The following SLC10A6 variants were observed in gnomAD, a reference collection of about 807,000 sequenced individuals.
SLC10A6 encodes the protein solute carrier family 10 member 6, also known as sodium-dependent organic anion transporter.
Under a neutral mutation model 30.0 loss-of-function variants are expected in SLC10A6, and 27 were observed. The observed-to-expected ratio is 0.90, with a 90% CI of 0.66 to 1.24. The LOEUF is 1.24. SLC10A6 is among the 50% of genes most tolerant of loss of function. The pLI is 0.00. For synonymous variants in SLC10A6, 166 were observed against 173.8 expected (o/e 0.95, Z 0.36); for missense variants, 439 against 457.0 (o/e 0.96, Z 0.36).
intron 1 of SLC10A6, among the ~76,000 whole-genome samples, chr4:86,838,805 C>A (rs1018086918): frequency 1.3e-5 from 2 of 151,532 alleles, no homozygotes; most frequent in African/African-American, 4.9e-5. Context: ...CGCCTGTAAT[C>A]CCAGCTACTC....
chr4:86,837,225 G>GAGAGAGAA (rs1553899172), intron 1 of SLC10A6, among the ~76,000 whole-genome samples: 17 of 39,130 alleles, frequency 4.3e-4, no homozygotes, highest in East Asian at 9.3e-4. Flanking sequence ...GAGAGAGAGA[G>GAGAGAGAA]AGAAAGAAAG....
chr4:86,823,969 CACTTGT>C (rs1360968851), intron 5 of SLC10A6, 67 bp from the exon 6 acceptor site: 1 of 1,405,376 alleles, frequency 7.1e-7, no homozygotes, highest in Non-Finnish European at 9.7e-7. Context: ...TGACACTGTA[CACTTGT>C]CAATCCTTCA....
At chr4:86,844,208 GAAGT>G (rs1746355997) in intron 1 of SLC10A6, among the ~76,000 whole-genome samples, 1 of 152,110 alleles carries the variant, frequency 6.6e-6, no homozygotes, top group Non-Finnish European at 1.5e-5. Flanking sequence ...TTAAAAAATA[GAAGT>G]AAGGAAACTG....
intron 2 of SLC10A6, 90 bp downstream of exon 2, chr4:86,833,216 C>G: frequency 9.7e-7 from 1 of 1,029,954 alleles, no homozygotes; most frequent in Non-Finnish European, 1.5e-6. Context: ...CCAAAAAAAT[C>G]CCTGCATAAA....
rs755600543 is a variant in SLC10A6 at position 86,833,426 on chromosome 4, T to C, written c.378-2A>G. Reference sequence around the variant, plus strand: ...GTGGAACAGGTTGTCATACTGATGCTGAAAGTAAAATTAATACAATGCTTA... The same window carrying C: ...GTGGAACAGGTTGTCATACTGATGCCGAAAGTAAAATTAATACAATGCTTA... On this transcript the variant is annotated splice_acceptor_variant, in intron 1 of 5. Transcript: ENST00000273905. LOFTEE classifies it high-confidence loss of function. 1.4e-5 allele frequency: 23 copies of C among 1,607,512 alleles called. No individual in the cohort carries two copies. In the East Asian group the frequency reaches 4.9e-4, roughly 34 times the overall value.
At chr4:86,842,834 C>CT (rs1252816096) in intron 1 of SLC10A6, among the ~76,000 whole-genome samples, 1 of 50,164 alleles carries the variant, frequency 2.0e-5, no homozygotes, top group East Asian at 3.3e-4. Context: ...TTCTTTCTTT[C>CT]TTTCTTTCTT....
At chr4:86,837,603 T>G (rs1490146597) in intron 1 of SLC10A6, 1 of 985,278 alleles carries the variant, frequency 1.0e-6, no homozygotes, top group Non-Finnish European at 1.2e-6. Flanking sequence ...ATCCCAAATC[T>G]ATTCTTTCCA....
Position 86,849,037 on chromosome 4 carries a change from G to A in SLC10A6, c.79C>T (p.His27Tyr), listed in dbSNP as rs752587714. ...GTGAAAACGAGCTCCAGGTTTCCAT[G>A]CACCTCCAGTCCCACTGGCAGCTCC... The part of the protein sequence containing the change: ...EEELPVGLEV[H>Y]GNLELVFTVV... The change falls in exon 1 of 6, where the codon CAT becomes TAT. Residue 27 changes from histidine to tyrosine, a missense_variant. Physicochemically the swap from His to Tyr is moderately conservative, Grantham distance 83. Coordinates refer to ENST00000273905, the MANE Select transcript of SLC10A6 (RefSeq NM_197965.3). 13 of 1,614,152 alleles carry A rather than the reference G, an allele frequency of 8.1e-6. No homozygotes were observed. The highest frequency in any genetic ancestry group is 1.6e-4 in the Middle Eastern group (1 of 6,062).
intron 1 of SLC10A6, among the ~76,000 whole-genome samples, chr4:86,844,662 A>G (rs1746363046): frequency 6.6e-6 from 1 of 152,256 alleles, no homozygotes; most frequent in South Asian, 2.1e-4. Context: ...ATGAGAGATC[A>G]TGTAGTAAGA....
At chr4:86,846,719 T>C (rs1213741738) in intron 1 of SLC10A6, among the ~76,000 whole-genome samples, 1 of 152,100 alleles carries the variant, frequency 6.6e-6, no homozygotes, top group Non-Finnish European at 1.5e-5. Context: ...AGAGTGAAAC[T>C]CCACCCCAAA....
intron 3 of SLC10A6, among the ~76,000 whole-genome samples, chr4:86,829,791 T>C (rs1746050264): frequency 1.3e-5 from 2 of 152,166 alleles, no homozygotes; most frequent in Non-Finnish European, 2.9e-5. Context: ...TATTATTAAA[T>C]GTTTTGCCAT....
At chr4:86,841,653 A>AT (rs762482882) in intron 1 of SLC10A6, among the ~76,000 whole-genome samples, 6 of 152,218 alleles carry the variant, frequency 3.9e-5, no homozygotes, top group Non-Finnish European at 7.3e-5. Context: ...AAGCAGGGAA[A>AT]TTACATATAT....
chr4:86,835,365 A>G (rs1259592898), intron 1 of SLC10A6, among the ~76,000 whole-genome samples: 1 of 152,158 alleles, frequency 6.6e-6, no homozygotes, highest in Admixed American at 6.5e-5. Flanking sequence ...GTGTGATCCT[A>G]TGATTAGAAA....
chr4:86,827,751 C>CT lies in SLC10A6; in HGVS notation c.761+241dup, dbSNP rs1746020599. Among the ~76,000 whole-genome samples the CT allele has an allele frequency of 2.0e-5, 3 of 152,064 alleles. No homozygotes were observed. In the South Asian group the frequency reaches 6.2e-4, roughly 32 times the overall value. ...GAATCAAATCATGTCGTTTTCTATT[C>CT]TTTTTTAACTTAAATTTATCTCTTC... is the stretch of plus-strand genomic sequence containing the variant. On this transcript the variant is annotated intron_variant, in intron 4 of 5. Transcript: ENST00000273905.
rs1245367447 is a variant in SLC10A6 at position 86,848,852 on chromosome 4, A to G, written c.264T>C (p.Ile88=). The change falls in exon 1 of 6, where the codon ATT becomes ATC. Residue 88 remains isoleucine (I), a synonymous_variant. Transcript: ENST00000273905. ...CTTGGACTGGCTTCAGAGAAAAGCT[A>G]ATGGCCAGGAGATAAGCTGTAAAAG... ...LMPFTAYLLA[I]SFSLKPVQAI... 1 of 1,614,210 alleles carries G rather than the reference A, an allele frequency of 6.2e-7. No individual in the cohort carries two copies. Among genetic ancestry groups the G allele is most frequent in the South Asian group, 1.1e-5 (1 of 91,088 alleles).
At chr4:86,835,007 A>AC (rs1239439529) in intron 1 of SLC10A6, among the ~76,000 whole-genome samples, 8 of 152,170 alleles carry the variant, frequency 5.3e-5, no homozygotes, top group African/African-American at 1.9e-4. Context: ...TGAGAGATCC[A>AC]CCCCATGATC....
At chr4:86,835,443 G>A (rs944401686) in intron 1 of SLC10A6, among the ~76,000 whole-genome samples, 6 of 152,236 alleles carry the variant, frequency 3.9e-5, no homozygotes, top group Non-Finnish European at 5.9e-5. Flanking sequence ...AAGGCGGGCA[G>A]ATGACCTGAG....
At chr4:86,836,977 G>A (rs891736948) in intron 1 of SLC10A6, among the ~76,000 whole-genome samples, 1 of 151,644 alleles carries the variant, frequency 6.6e-6, no homozygotes, top group Admixed American at 6.6e-5. Context: ...AGGCTGTCTC[G>A]AACTCCTAAC....
chr4:86,835,454 G>A (rs1387576943), intron 1 of SLC10A6, among the ~76,000 whole-genome samples: 2 of 152,176 alleles, frequency 1.3e-5, no homozygotes, highest in Non-Finnish European at 2.9e-5. Context: ...ATGACCTGAG[G>A]TCAGAAGTTC....
Sources: allele counts gnomAD v4.1 joint callset (sites outside exome capture counted in the v4.1 genomes callset), GRCh38; gene constraint gnomAD v4.1.1; transcripts MANE v1.5; gene names NCBI Gene and HGNC (gene_info 2026-07-23, HGNC 2026-07-21).